The following MST1R variants were observed in gnomAD, a reference collection of about 807,000 sequenced individuals.
The protein encoded by MST1R is macrophage-stimulating protein receptor.
A neutral mutation model predicts 117.8 loss-of-function variants in MST1R; 99 were observed. The observed-to-expected ratio is 0.84, with a 90% CI of 0.71 to 0.99. The LOEUF (loss-of-function observed/expected upper bound fraction) is 0.99, where lower values mean the gene tolerates loss of function less well. MST1R is among the 50% of genes least tolerant of loss of function. The pLI is 0.00. For synonymous variants in MST1R, 734 were observed against 765.3 expected (o/e 0.96, Z 0.68); for missense variants, 1,683 against 1,840.2 (o/e 0.91, Z 1.56).
chr3:49,897,224 G>T (rs1214419716), intron 7 of MST1R, 56 bp downstream of exon 7: 5 of 1,540,970 alleles, frequency 3.2e-6, no homozygotes, highest in Non-Finnish European at 3.5e-6. Context: ...GACAGAATCC[G>T]GGTCCCCACC....
At position 49,896,815 on chromosome 3, in the gene MST1R, C is replaced by A. The variant is rs368995558; in HGVS notation, c.2259G>T (p.Val753=). The change falls in exon 8 of 20, where the codon GTG becomes GTT. Residue 753 remains valine, a synonymous_variant. Transcript: ENST00000296474. The part of the protein sequence containing the change: ...TVASVPLSLQ[V]GGAQVPGSWT... ...AGGAACCAGGTACCTGGGCACCCCCCACCTGCAGGCTAAGGGGGACACTGG... is the reference window on the plus strand; with the variant it reads ...AGGAACCAGGTACCTGGGCACCCCCAACCTGCAGGCTAAGGGGGACACTGG... 18 of 1,558,556 alleles carry A rather than the reference C, an allele frequency of 1.2e-5. No homozygotes were observed. Among genetic ancestry groups the A allele is most frequent in the Non-Finnish European group, 1.5e-5 (17 of 1,150,426 alleles).
rs376462242 is a variant in MST1R, at chr3:49,898,609, A to G, written c.1628T>C (p.Met543Thr). The G allele has an allele frequency of 1.2e-6, 2 of 1,614,060 alleles. No homozygotes were observed. Among genetic ancestry groups the G allele is most frequent in the Admixed American group, 1.7e-5 (1 of 60,006 alleles). ...CGRCLRAWHF[M>T]GCGWCGNMCG... ...CATGTTCCCACACCAGCCACAGCCCATGAAATGCCATGCCCTTAGGCAACG... is the reference window on the plus strand; with the variant it reads ...CATGTTCCCACACCAGCCACAGCCCGTGAAATGCCATGCCCTTAGGCAACG... The change falls in exon 4 of 20, where the codon ATG (methionine) becomes ACG (threonine). Residue 543 changes from methionine to threonine, a missense_variant. Coordinates refer to ENST00000296474, the MANE Select transcript of MST1R (RefSeq NM_002447.4).
Position 49,889,941 on chromosome 3 carries a change from C to G in MST1R, c.3930G>C (p.Glu1310Asp). Residue 1310 changes from glutamate to aspartate, a missense_variant, in exon 19 of 20, where the codon GAG becomes GAC. Physicochemically the swap from Glu to Asp is conservative, Grantham distance 45. Transcript: ENST00000296474. ...LAQGRRLPQP[E>D]YCPDSLYQVM... is the part of the protein sequence containing the mutation. ...ATACTCACAGAGAATCAGGGCAATACTCAGGCTGGGGCAGGCGCCGACCCT... is the reference window on the plus strand; with the variant it reads ...ATACTCACAGAGAATCAGGGCAATAGTCAGGCTGGGGCAGGCGCCGACCCT... 6.2e-7 allele frequency: 1 copy of G among 1,614,170 alleles called. No homozygotes were observed. The highest frequency in any genetic ancestry group is 8.5e-7 in the Non-Finnish European group (1 of 1,180,016).
Position 49,893,951 on chromosome 3 carries a change from T to A in MST1R, c.3271+1216A>T, listed in dbSNP as rs1490339143. The stretch of plus-strand genomic sequence containing the variant: ...AAAATAGGCTGGGGGCAGTGGCTCA[T>A]GCCTGTAATCCTAGCACTTTGGGAG... On this transcript the variant is annotated intron_variant, in intron 14 of 19. Coordinates refer to ENST00000296474, the MANE Select transcript of MST1R (RefSeq NM_002447.4). Among the ~76,000 whole-genome samples the A allele has an allele frequency of 2.8e-5, 4 of 144,772 alleles. No homozygotes were observed. The East Asian group carries it at 6.3e-4, about 23-fold the overall frequency. The allele number at this position is 144,772 out of a possible 152,430, so 95.0% of individuals were successfully genotyped here.
At chr3:49,899,321 G>C (rs2082591565) in intron 1 of MST1R, 58 bp from the exon 2 acceptor site, 1 of 1,589,556 alleles carries the variant, frequency 6.3e-7, no homozygotes, top group South Asian at 1.1e-5. Flanking sequence ...CCGACCCTCT[G>C]GGGCCTTTGT....
chr3:49,899,478 C>T, intron 1 of MST1R: 1 of 544,872 alleles, frequency 1.8e-6, no homozygotes, highest in Non-Finnish European at 3.3e-6. Context: ...AAGGTCCACT[C>T]CTCATTCTCC....
Position 49,903,404 on chromosome 3 carries a change from G to C in MST1R, c.206C>G (p.Ala69Gly). 1 of 1,613,980 alleles carries C rather than the reference G, an allele frequency of 6.2e-7. No individual in the cohort carries two copies. The highest frequency in any genetic ancestry group is 8.5e-7 in the Non-Finnish European group (1 of 1,180,022). ...GCGATTGCGTATGGCTACAAACACAGCACTCTCATTTCTGTCGCCCTCGTA... is the reference window on the plus strand; with the variant it reads ...GCGATTGCGTATGGCTACAAACACACCACTCTCATTTCTGTCGCCCTCGTA... ...VTYEGDRNES[A>G]VFVAIRNRLH... is the part of the protein sequence containing the mutation. Residue 69 changes from alanine (A) to glycine (G), a missense_variant, in exon 1 of 20, where the codon GCT becomes GGT. Ala to Gly is a moderately conservative substitution (Grantham distance 60, BLOSUM62 0). Coordinates refer to ENST00000296474, the MANE Select transcript of MST1R (RefSeq NM_002447.4).
intron 19 of MST1R, 125 bp from the exon 20 acceptor site, chr3:49,887,687 G>A: frequency 2.0e-6 from 2 of 1,006,562 alleles, no homozygotes; most frequent in Non-Finnish European, 3.0e-6. Context: ...CTAGTACCTA[G>A]CACTACCCAA....
At chr3:49,892,374 C>A (rs1345833344) in intron 14 of MST1R, among the ~76,000 whole-genome samples, 1 of 151,772 alleles carries the variant, frequency 6.6e-6, no homozygotes, top group Non-Finnish European at 1.5e-5. Flanking sequence ...AGTTTGAGAC[C>A]AGCCTGGCTA....
chr3:49,902,778 T>A lies in MST1R; in HGVS notation c.832A>T (p.Thr278Ser), dbSNP rs2082728918. The stretch of plus-strand genomic sequence containing the variant: ...GTGGCGCTAAGCCGTGCCAGGCGTG[T>A]GTGCAGGGCACTAGGATCATCTGTC... ...SVTDDPSALHTRLARLSATEP... is the reference protein window; with the variant it reads ...SVTDDPSALHSRLARLSATEP... The change falls in exon 1 of 20, where the codon ACA (threonine) becomes TCA (serine). Residue 278 changes from threonine (T) to serine (S), a missense_variant. Physicochemically the swap from Thr to Ser is moderately conservative, Grantham distance 58. Transcript: ENST00000296474. 6.2e-7 allele frequency: 1 copy of A among 1,613,820 alleles called. No homozygotes were observed. Among genetic ancestry groups the A allele is most frequent in the Non-Finnish European group, 8.5e-7 (1 of 1,180,054 alleles).
At position 49,902,546 on chromosome 3, in the gene MST1R, T is replaced by A; in HGVS notation, c.1064A>T (p.Asp355Val). 6.2e-7 allele frequency: 1 copy of A among 1,613,978 alleles called. No individual in the cohort carries two copies. The highest frequency in any genetic ancestry group is 2.2e-5 in the East Asian group (1 of 44,884). Residue 355 changes from aspartate (D) to valine (V), a missense_variant, in exon 1 of 20, where the codon GAT becomes GTT. Coordinates refer to ENST00000296474, the MANE Select transcript of MST1R (RefSeq NM_002447.4). ...GTTGGGGCCCACGCCAGGACCACCA[T>A]CCTTGCCAGTCACAAAGACCCCAAA... ...VLFGVFVTGK[D>V]GGPGVGPNSV...
intron 14 of MST1R, 27 bp from the exon 15 acceptor site, chr3:49,891,865 T>A: frequency 6.2e-7 from 1 of 1,607,186 alleles, no homozygotes; most frequent in Non-Finnish European, 8.5e-7. Context: ...AATGAGTCGA[T>A]GAGAGGGGAT....
At position 49,891,652 on chromosome 3, in the gene MST1R, G is replaced by A. The variant is rs2082319814; in HGVS notation, c.3353-72C>T. The stretch of plus-strand genomic sequence containing the variant: ...AGGCTCAGATGGGGAAATGGGAAAT[G>A]AAGGTCTCCTGCTCAGGGTCACTCA... On this transcript the variant is annotated intron_variant, in intron 15 of 19. Transcript: ENST00000296474. The A allele has an allele frequency of 6.8e-6, 11 of 1,608,594 alleles. No individual in the cohort carries two copies. In the South Asian group the frequency reaches 1.1e-4, roughly 16 times the overall value.
chr3:49,897,755 C>T, intron 5 of MST1R, 70 bp from the exon 6 acceptor site: 1 of 1,523,866 alleles, frequency 6.6e-7, no homozygotes, highest in Non-Finnish European at 8.8e-7. Flanking sequence ...CTGCCACAAG[C>T]CACAGGGCTC....
chr3:49,902,777 G>T lies in MST1R; in HGVS notation c.833C>A (p.Thr278Lys), dbSNP rs1422863723. ...SVTDDPSALH[T>K]RLARLSATEP... ...AGTGGCGCTAAGCCGTGCCAGGCGT[G>T]TGTGCAGGGCACTAGGATCATCTGT... The change falls in exon 1 of 20, where the codon ACA (threonine) becomes AAA (lysine). Residue 278 changes from threonine (T) to lysine (K), a missense_variant. Thr to Lys is a moderately conservative substitution (Grantham distance 78). Transcript: ENST00000296474. 2 of 1,613,942 alleles carry T rather than the reference G, an allele frequency of 1.2e-6. No homozygotes were observed. The highest frequency in any genetic ancestry group is 3.3e-5 in the Admixed American group (2 of 60,038).
At chr3:49,896,492 T>C (rs748123572) in intron 9 of MST1R, 48 bp downstream of exon 9, 36 of 1,610,808 alleles carry the variant, frequency 2.2e-5, no homozygotes, top group Non-Finnish European at 3.0e-5. Flanking sequence ...GGGCTGCAGC[T>C]CAGGGAACTC....
Position 49,896,410 on chromosome 3 carries a change from G to A in MST1R, c.2440-6C>T. On this transcript the variant is annotated splice_polypyrimidine_tract_variant and splice_region_variant and intron_variant, in intron 9 of 19. Transcript: ENST00000296474. ...TCTGGAAGCTGCCTCTCACACTGCT[G>A]GGACCAATATGAGAGTGATTAGCCA... 1.9e-6 allele frequency: 3 copies of A among 1,612,148 alleles called. No homozygotes were observed. Among genetic ancestry groups the A allele is most frequent in the Admixed American group, 1.7e-5 (1 of 59,976 alleles).
intron 19 of MST1R, among the ~76,000 whole-genome samples, chr3:49,888,309 G>A (rs1449477832): frequency 6.6e-5 from 10 of 152,020 alleles, no homozygotes; most frequent in South Asian, 2.1e-4. Flanking sequence ...CGTGGCAGGC[G>A]CCTGTAGTCC....
At chr3:49,894,221 AAAT>A (rs1379529091) in intron 14 of MST1R, among the ~76,000 whole-genome samples, 1 of 150,582 alleles carries the variant, frequency 6.6e-6, no homozygotes. Flanking sequence ...GTCTCAAAAA[AAAT>A]AATAATAATA....
Sources: gnomAD v4.1 joint callset for allele counts (sites outside exome capture counted in the v4.1 genomes callset) on GRCh38, gnomAD v4.1.1 for gene constraint, MANE v1.5 for transcripts, NCBI Gene and HGNC (gene_info 2026-07-23, HGNC 2026-07-21) for gene names.